OXR1: variants seen among roughly 807,000 people sequenced by gnomAD.
OXR1 encodes the protein oxidation resistance protein 1.
Under a neutral mutation model 104.6 loss-of-function variants are expected in OXR1, and 41 were observed. The observed-to-expected ratio is 0.39, with a 90% CI of 0.31 to 0.51. The LOEUF is 0.51. Ranked by LOEUF, OXR1 falls within the 20% of genes least tolerant of loss-of-function variation. The pLI is 0.77. For synonymous variants in OXR1, 348 were observed against 348.4 expected, an observed-to-expected ratio of 1.00 and a Z score of 0.01; for missense variants, 955 against 1,031.9, an observed-to-expected ratio of 0.93 and a Z score of 1.02.
chr8:106,407,899 C>G (rs1818300261), intron 2 of OXR1, among the ~76,000 whole-genome samples: 1 of 152,200 alleles, frequency 6.6e-6, no homozygotes, highest in African/African-American at 2.4e-5. Context: ...AAAGCCTTCA[C>G]TAGTGTACTC....
chr8:106,602,719 TTATG>T (rs1820067185), intron 3 of OXR1, among the ~76,000 whole-genome samples: 1 of 152,182 alleles, frequency 6.6e-6, no homozygotes, highest in Admixed American at 6.5e-5. Context: ...TTACATATGA[TTATG>T]TGTTTATTTT....
At chr8:106,617,920 C>A in intron 3 of OXR1, 1 of 639,860 alleles carries the variant, frequency 1.6e-6, no homozygotes, top group Non-Finnish European at 1.9e-6. Context: ...CTAAAATGTT[C>A]AGTGAGCCAA....
chr8:106,750,707 A>G (rs922216167), intron 16 of OXR1, 99 bp from the exon 17 acceptor site: 5 of 833,662 alleles, frequency 6.0e-6, no homozygotes, highest in Non-Finnish European at 9.2e-6. Flanking sequence ...GATTTGAGAA[A>G]ATTAATAACT....
At position 106,402,170 on chromosome 8, in the gene OXR1, C is replaced by T. The variant is rs561739917; in HGVS notation, c.23+42534C>T. Among the ~76,000 whole-genome samples the T allele has an allele frequency of 2.0e-5, 3 of 152,308 alleles. No individual in the cohort carries two copies. In the South Asian group the frequency reaches 6.2e-4, roughly 32 times the overall value. On this transcript the variant is annotated intron_variant, in intron 2 of 16. Coordinates refer to ENST00000517566, the MANE Select transcript of OXR1 (RefSeq NM_001198533.2). ...ACGTAGTTTAGCTTAAGATAATCCA[C>T]TGTCATTCTCCAAGATCCATCTGTC...
At chr8:106,554,195 G>A (rs1424985847) in intron 3 of OXR1, among the ~76,000 whole-genome samples, 1 of 152,140 alleles carries the variant, frequency 6.6e-6, no homozygotes, top group Non-Finnish European at 1.5e-5. Flanking sequence ...ATGTGCCCCG[G>A]ATGTGATATA....
At chr8:106,513,243 CT>C (rs990171539) in intron 2 of OXR1, among the ~76,000 whole-genome samples, 52 of 152,016 alleles carry the variant, frequency 3.4e-4, no homozygotes, top group Admixed American at 3.9e-4. Flanking sequence ...TTTCCTGCTC[CT>C]TGGAGAGCTG....
chr8:106,479,320 G>C (rs186530777), intron 2 of OXR1, among the ~76,000 whole-genome samples: 1 of 152,104 alleles, frequency 6.6e-6, no homozygotes, highest in African/African-American at 2.4e-5. Context: ...ATGCCATCAT[G>C]TCATGATACC....
chr8:106,697,250 C>T (rs1033792675), intron 7 of OXR1, among the ~76,000 whole-genome samples: 10 of 152,268 alleles, frequency 6.6e-5, no homozygotes, highest in South Asian at 2.1e-4. Context: ...TTAGTAAGCA[C>T]GGGGGAGAGG....
intron 2 of OXR1, among the ~76,000 whole-genome samples, chr8:106,399,412 T>C (rs747350680): frequency 6.6e-6 from 1 of 152,098 alleles, no homozygotes; most frequent in Non-Finnish European, 1.5e-5. Flanking sequence ...TAGAAATGAG[T>C]TCTTATAGCT....
intron 3 of OXR1, chr8:106,618,064 G>T: frequency 6.5e-7 from 1 of 1,534,350 alleles, no homozygotes; most frequent in African/African-American, 1.4e-5. Context: ...GAAAGGAAAT[G>T]TTATATTACC....
chr8:106,273,482 T>A (rs1357571517), intron 1 of OXR1, among the ~76,000 whole-genome samples: 1 of 152,112 alleles, frequency 6.6e-6, no homozygotes, highest in Non-Finnish European at 1.5e-5. Flanking sequence ...GGGGGAGAGG[T>A]GCTGCTGGTG....
intron 3 of OXR1, among the ~76,000 whole-genome samples, chr8:106,577,486 T>G (rs1011182151): frequency 1.3e-4 from 18 of 140,952 alleles, no homozygotes; most frequent in Non-Finnish European, 2.7e-4. Context: ...GCCTCCCGGG[T>G]TCACACCATT....
intron 4 of OXR1, among the ~76,000 whole-genome samples, chr8:106,679,703 C>T (rs1827959757): frequency 6.6e-6 from 1 of 151,174 alleles, no homozygotes; most frequent in Non-Finnish European, 1.5e-5. Context: ...TAACCTTCCA[C>T]ATTAAATCAT....
chr8:106,434,704 A>G (rs1819501742), intron 2 of OXR1, among the ~76,000 whole-genome samples: 1 of 152,204 alleles, frequency 6.6e-6, no homozygotes, highest in Non-Finnish European at 1.5e-5. Flanking sequence ...CTTTACTTCT[A>G]CATTTATCTG....
intron 2 of OXR1, among the ~76,000 whole-genome samples, chr8:106,483,098 C>CAATA: frequency 6.6e-6 from 1 of 151,848 alleles, no homozygotes; most frequent in Non-Finnish European, 1.5e-5. Context: ...ATACAATATA[C>CAATA]CAATAGGTAT....
chr8:106,403,256 C>T (rs1818077131), intron 2 of OXR1, among the ~76,000 whole-genome samples: 1 of 152,220 alleles, frequency 6.6e-6, no homozygotes, highest in South Asian at 2.1e-4. Flanking sequence ...ACATCATGAT[C>T]AACTAGCTAA....
chr8:106,632,964 G>A (rs914673783), intron 3 of OXR1, among the ~76,000 whole-genome samples: 8 of 150,290 alleles, frequency 5.3e-5, no homozygotes, highest in Admixed American at 2.0e-4. Context: ...GGCCGGGTGC[G>A]GTGGCTCACA....
At chr8:106,369,752 C>T (rs934625267) in intron 2 of OXR1, among the ~76,000 whole-genome samples, 1 of 152,088 alleles carries the variant, frequency 6.6e-6, no homozygotes, top group Non-Finnish European at 1.5e-5. Flanking sequence ...CTCCATTGGT[C>T]TATATGTCTA....
At chr8:106,399,811 GGTTT>G (rs1160791863) in intron 2 of OXR1, among the ~76,000 whole-genome samples, 3 of 152,148 alleles carry the variant, frequency 2.0e-5, no homozygotes, top group Non-Finnish European at 2.9e-5. Context: ...GGTAAAGTCA[GGTTT>G]GAACTCAGAC....
Sources: allele counts gnomAD v4.1 joint callset (sites outside exome capture counted in the v4.1 genomes callset), GRCh38; gene constraint gnomAD v4.1.1; transcripts MANE v1.5; gene names NCBI Gene and HGNC (gene_info 2026-07-23, HGNC 2026-07-21).